SPATA6L: variants seen among roughly 807,000 people sequenced by gnomAD.
SPATA6L encodes spermatogenesis associated 6 like.
Under a neutral mutation model 49.2 loss-of-function variants are expected in SPATA6L, and 68 were observed. The ratio of observed to expected loss-of-function variants is 1.38; its 90% CI spans 1.14 to 1.69. The LOEUF is 1.69. Among genes scored for constraint, SPATA6L ranks in the 40% most tolerant of loss-of-function variants. The probability of loss-of-function intolerance (pLI) is 0.00; values close to 1 mark genes in which losing one functional copy is unlikely to be tolerated. For missense variants in SPATA6L, 668 were observed against 464.3 expected, an observed-to-expected ratio of 1.44 and a Z score of -4.03; for synonymous variants, 198 against 165.7, an observed-to-expected ratio of 1.19 and a Z score of -1.50.
At position 4,606,174 on chromosome 9, in the gene SPATA6L, A is replaced by G. The variant is rs528130082; in HGVS notation, c.996-734T>C. Among the ~76,000 whole-genome samples, 988 of 151,546 alleles carry G rather than the reference A, an allele frequency of 6.5e-3. 9 individuals carry two copies. Among genetic ancestry groups the G allele is most frequent in the African/African-American group, 0.018 (739 of 41,194 alleles). ...CGCCCACGGAGTCTCGCTGATTGCT[A>G]GCACAGCAGTCTGAGATCAAACTGC... On this transcript the variant is annotated intron_variant, in intron 9 of 11. Coordinates refer to ENST00000682582, the MANE Select transcript of SPATA6L (RefSeq NM_001353486.2).
At position 4,662,763 on chromosome 9, in the gene SPATA6L, G is replaced by C. The variant is rs145743186; in HGVS notation, c.40-727C>G. 1.2e-6 allele frequency: 2 copies of C among 1,604,648 alleles called. No homozygotes were observed. The highest frequency in any genetic ancestry group is 2.2e-5 in the East Asian group (1 of 44,862). On this transcript the variant is annotated intron_variant, in intron 1 of 11. Coordinates refer to ENST00000682582, the MANE Select transcript of SPATA6L (RefSeq NM_001353486.2). The surrounding 1 kb of genome is among the most constrained non-coding windows in gnomAD (Gnocchi z 4.9). ...GGGAGAGAGCTCGTCGTGGGGCAGCGTGCGACCCCTTATGAAGCTGCTGGA... is the reference window on the plus strand; with the variant it reads ...GGGAGAGAGCTCGTCGTGGGGCAGCCTGCGACCCCTTATGAAGCTGCTGGA...
intron 3 of SPATA6L, among the ~76,000 whole-genome samples, chr9:4,640,825 T>C (rs548388334): frequency 1.3e-5 from 2 of 148,912 alleles, no homozygotes; most frequent in African/African-American, 2.6e-5. Context: ...AATTGAGAGA[T>C]TGTAAATTAA....
chr9:4,595,746 G>A (rs1316816754), downstream of SPATA6L, among the ~76,000 whole-genome samples: 1 of 152,084 alleles, frequency 6.6e-6, no homozygotes, highest in Non-Finnish European at 1.5e-5. Context: ...ACAGTATCTT[G>A]GTACATAATC....
At chr9:4,653,322 T>C (rs1323547174) in intron 3 of SPATA6L, among the ~76,000 whole-genome samples, 2 of 152,100 alleles carry the variant, frequency 1.3e-5, no homozygotes, top group Admixed American at 6.6e-5. Flanking sequence ...AAGAATGAAG[T>C]TGGTCCCCAA....
At chr9:4,594,237 T>C (rs1473604268), downstream of SPATA6L, among the ~76,000 whole-genome samples, 1 of 152,152 alleles carries the variant, frequency 6.6e-6, no homozygotes, top group Non-Finnish European at 1.5e-5. Flanking sequence ...TTTTTCGGAG[T>C]CTCGCTCTGT....
intron 3 of SPATA6L, among the ~76,000 whole-genome samples, chr9:4,644,445 A>T (rs1296087136): frequency 6.6e-6 from 1 of 152,016 alleles, no homozygotes; most frequent in Admixed American, 6.5e-5. Flanking sequence ...AAACTATGCT[A>T]TGTAAAAATT....
chr9:4,629,019 T>A, intron 5 of SPATA6L, 72 bp downstream of exon 5: 1 of 1,081,354 alleles, frequency 9.2e-7, no homozygotes, highest in Non-Finnish European at 1.4e-6. Flanking sequence ...AAACTGAGTT[T>A]GGGCAAAAAT....
chr9:4,653,500 A>C (rs6476881), intron 3 of SPATA6L, among the ~76,000 whole-genome samples: 65,677 of 152,134 alleles, frequency 0.43, 14,318 homozygotes, highest in East Asian at 0.66. Flanking sequence ...AAAAATAGAT[A>C]AACTGAAATT....
At chr9:4,663,115 G>A (rs1840266727) in intron 1 of SPATA6L, 2 of 1,614,066 alleles carry the variant, frequency 1.2e-6, no homozygotes, top group Non-Finnish European at 1.7e-6. Flanking sequence ...TTCGTCTTGG[G>A]CCTATCCAGG....
intron 9 of SPATA6L, among the ~76,000 whole-genome samples, chr9:4,610,356 A>C (rs1826391029): frequency 6.7e-6 from 1 of 148,418 alleles, no homozygotes; most frequent in South Asian, 2.2e-4. Flanking sequence ...CTAAGCCAAA[A>C]GAACAAAGCT....
At chr9:4,632,567 G>A (rs1302630843) in intron 4 of SPATA6L, among the ~76,000 whole-genome samples, 1 of 148,834 alleles carries the variant, frequency 6.7e-6, no homozygotes, top group Admixed American at 6.8e-5. Flanking sequence ...CTGCACTCCA[G>A]CCTGGGCAAC....
intron 5 of SPATA6L, 46 bp from the exon 6 acceptor site, chr9:4,625,612 A>G (rs1408567194): frequency 7.3e-7 from 1 of 1,366,028 alleles, no homozygotes; most frequent in South Asian, 1.6e-5. Flanking sequence ...AAGAAAGAAA[A>G]GAAGAAAATT....
At chr9:4,600,971 A>G (rs1313191194) in intron 11 of SPATA6L, among the ~76,000 whole-genome samples, 162 bp from the exon 12 acceptor site, 1 of 152,188 alleles carries the variant, frequency 6.6e-6, no homozygotes, top group Non-Finnish European at 1.5e-5. Context: ...GATTCCCACA[A>G]CAGAATAACC....
At chr9:4,625,261 C>G (rs1830117895) in intron 6 of SPATA6L, 66 bp downstream of exon 6, 4 of 1,514,058 alleles carry the variant, frequency 2.6e-6, no homozygotes, top group Non-Finnish European at 3.5e-6. Context: ...CTCAACCTTC[C>G]TTTCTTCCAC....
intron 2 of SPATA6L, among the ~76,000 whole-genome samples, chr9:4,661,042 G>A (rs951756973): frequency 3.9e-5 from 6 of 151,940 alleles, no homozygotes; most frequent in Non-Finnish European, 8.8e-5. Context: ...GGGGTGGGGG[G>A]AATGAGTTAA....
intron 5 of SPATA6L, 94 bp from the exon 6 acceptor site, chr9:4,625,660 A>C: frequency 1.1e-6 from 1 of 875,436 alleles, no homozygotes; most frequent in Non-Finnish European, 1.6e-6. Flanking sequence ...AATTTTTAAA[A>C]ATTAAGGTCA....
At chr9:4,616,285 A>T (rs558625662) in intron 9 of SPATA6L, among the ~76,000 whole-genome samples, 3 of 152,274 alleles carry the variant, frequency 2.0e-5, no homozygotes, top group African/African-American at 7.2e-5. Flanking sequence ...TCGAAAAAAA[A>T]TAATAATAAT....
chr9:4,604,212 T>G lies in SPATA6L; in HGVS notation c.1147A>C (p.Lys383Gln), dbSNP rs746178900. 1 of 1,612,366 alleles carries G rather than the reference T, an allele frequency of 6.2e-7. No individual in the cohort carries two copies. The highest frequency in any genetic ancestry group is 1.1e-5 in the South Asian group (1 of 90,752). Residue 383 changes from lysine to glutamine, a missense_variant, in exon 11 of 12, where the codon AAA becomes CAA. Physicochemically the swap from Lys to Gln is moderately conservative, Grantham distance 53. Coordinates refer to ENST00000682582, the MANE Select transcript of SPATA6L (RefSeq NM_001353486.2). ...IIERPSYPLK[K>Q]YSLHEQRYF ...TATCTCTGTTCATGCAGTGAGTATTTCTTCAGAGGGTAGCTTGGTCTTTCA... is the reference window on the plus strand; with the variant it reads ...TATCTCTGTTCATGCAGTGAGTATTGCTTCAGAGGGTAGCTTGGTCTTTCA...
intron 7 of SPATA6L, among the ~76,000 whole-genome samples, chr9:4,621,869 G>C (rs1829385176): frequency 6.6e-6 from 1 of 152,126 alleles, no homozygotes; most frequent in Non-Finnish European, 1.5e-5. Flanking sequence ...ATCAAGAAAA[G>C]CTCTTTGGGC....
Sources: allele counts gnomAD v4.1 joint callset (sites outside exome capture counted in the v4.1 genomes callset), GRCh38; gene constraint gnomAD v4.1.1; non-coding constraint Gnocchi (gnomAD v3.1); transcripts MANE v1.5; gene names NCBI Gene and HGNC (gene_info 2026-07-23, HGNC 2026-07-21).